FNTB: variants seen among roughly 807,000 people sequenced by gnomAD.
The protein encoded by FNTB is farnesyltransferase, CAAX box, subunit beta, also known as protein farnesyltransferase subunit beta.
A neutral mutation model predicts 59.4 loss-of-function variants in FNTB; 27 were observed. That is an observed-to-expected ratio of 0.45 (90% CI 0.34 to 0.63). The LOEUF (loss-of-function observed/expected upper bound fraction) is 0.63. FNTB is among the 20% of genes least tolerant of loss of function. The probability of loss-of-function intolerance (pLI) is 0.02; values close to 1 mark genes in which losing one functional copy is unlikely to be tolerated. For missense variants in FNTB, 449 were observed against 559.6 expected, an observed-to-expected ratio of 0.80 and a Z score of 1.99; for synonymous variants, 230 against 220.7, an observed-to-expected ratio of 1.04 and a Z score of -0.37.
chr14:65,011,685 G>A lies in FNTB; in HGVS notation c.210-632G>A, dbSNP rs2061685879. 6.6e-6 allele frequency among the ~76,000 whole-genome samples: 1 copy of A among 152,222 alleles called. No homozygotes were observed. Among genetic ancestry groups the A allele is most frequent in the Admixed American group, 6.5e-5 (1 of 15,282 alleles). The stretch of plus-strand genomic sequence containing the variant: ...GTGCTTTGCCCGGCCTGTGCAGGTG[G>A]CCATGGGCGGCACATTCCATCTTAA... On this transcript the variant is annotated intron_variant, in intron 2 of 11. Transcript: ENST00000246166. This position sits in a 1 kb window ranked among gnomAD's most constrained non-coding sequence, Gnocchi z 4.0.
At position 65,012,481 on chromosome 14, in the gene FNTB, C is replaced by G; in HGVS notation, c.282+92C>G. 6.6e-7 allele frequency: 1 copy of G among 1,521,216 alleles called. No homozygotes were observed. The highest frequency in any genetic ancestry group is 2.4e-5 in the East Asian group (1 of 42,244). The allele number at this position is 1,521,216 out of a possible 1,614,324, so 94.2% of individuals were successfully genotyped here. The stretch of plus-strand genomic sequence containing the variant: ...AAACGTAAAAGACTGTTGGGGCTGA[C>G]CTGTTGCAGAGTCACTCTTTGTTCT... On this transcript the variant is annotated intron_variant, in intron 3 of 11. Transcript: ENST00000246166. The surrounding 1 kb of genome is among the most constrained non-coding windows in gnomAD (Gnocchi z 5.0).
At chr14:64,993,906 A>T (rs1488622060) in intron 1 of FNTB, among the ~76,000 whole-genome samples, 4 of 149,330 alleles carry the variant, frequency 2.7e-5, no homozygotes, top group African/African-American at 9.9e-5. Flanking sequence ...CCCAGGCTGG[A>T]GTGCAGTGGT....
intron 7 of FNTB, among the ~76,000 whole-genome samples, chr14:65,035,809 C>T (rs1262035079): frequency 6.6e-6 from 1 of 151,808 alleles, no homozygotes; most frequent in Non-Finnish European, 1.5e-5. Context: ...TCAAGGATTA[C>T]AGGCATGAGC....
rs967872561 is a variant in FNTB, at chr14:65,017,800, C to T, written c.374+2084C>T. Among the ~76,000 whole-genome samples, 9 of 151,734 alleles carry T rather than the reference C, an allele frequency of 5.9e-5. No homozygotes were observed. The South Asian group carries it at 1.2e-3, about 21-fold the overall frequency. On this transcript the variant is annotated intron_variant, in intron 4 of 11. Transcript: ENST00000246166. ...GTGAAACCCCATCTCTACTAAAATA[C>T]AAAAATTAGCTGGGCATGGTGGTGC... is the stretch of plus-strand genomic sequence containing the variant.
At chr14:65,016,140 T>TC (rs1406134167) in intron 4 of FNTB, among the ~76,000 whole-genome samples, 1 of 152,150 alleles carries the variant, frequency 6.6e-6, no homozygotes, top group African/African-American at 2.4e-5. Context: ...ACCTCCCCGC[T>TC]CCCGGTGCTT....
chr14:65,000,808 T>C (rs1594990677), intron 1 of FNTB, among the ~76,000 whole-genome samples: 3 of 64,476 alleles, frequency 4.7e-5, no homozygotes, highest in African/African-American at 1.2e-4. Context: ...AGAGCCAGAC[T>C]CCGTCTCAAA....
At chr14:65,013,996 A>T (rs1426226134) in intron 3 of FNTB, among the ~76,000 whole-genome samples, 1 of 152,240 alleles carries the variant, frequency 6.6e-6, no homozygotes, top group African/African-American at 2.4e-5. Flanking sequence ...CTTAAGCTGC[A>T]TCCCTGGCAG....
chr14:64,999,207 G>T (rs56328485), intron 1 of FNTB, among the ~76,000 whole-genome samples: 19,248 of 152,202 alleles, frequency 0.13, 1,289 homozygotes, highest in Admixed American at 0.17. Context: ...GGAGGCCAAG[G>T]CTTATGGATC....
chr14:65,059,022 CT>C (rs2062803982), intron 11 of FNTB, among the ~76,000 whole-genome samples: 1 of 151,816 alleles, frequency 6.6e-6, no homozygotes, highest in Non-Finnish European at 1.5e-5. Context: ...TACCTTTTTT[CT>C]TTTTCTTTTC....
chr14:64,995,755 A>G (rs1029000300), intron 1 of FNTB, among the ~76,000 whole-genome samples: 2 of 147,330 alleles, frequency 1.4e-5, no homozygotes, highest in African/African-American at 5.2e-5. Context: ...ATATAAGTGT[A>G]TGTATGTATA....
chr14:64,998,914 C>T (rs1045570038), intron 1 of FNTB, among the ~76,000 whole-genome samples: 1 of 151,962 alleles, frequency 6.6e-6, no homozygotes, highest in Non-Finnish European at 1.5e-5. Flanking sequence ...TGGAAACAGC[C>T]AAATTGTCCA....
Position 65,031,552 on chromosome 14 carries a change from G to A in FNTB, c.606-1058G>A, listed in dbSNP as rs572256129. ...AGGTTGGTCTTGAACTCCTGGCCTC[G>A]TGATCCACCTGCCTCAGCCTCCCAA... is the stretch of plus-strand genomic sequence containing the variant. On this transcript the variant is annotated intron_variant, in intron 6 of 11. Coordinates refer to ENST00000246166, the MANE Select transcript of FNTB (RefSeq NM_002028.4). The surrounding 1 kb of genome is among the most constrained non-coding windows in gnomAD (Gnocchi z 4.6). 3.6e-4 allele frequency among the ~76,000 whole-genome samples: 55 copies of A among 150,988 alleles called. No homozygotes were observed. Among genetic ancestry groups the A allele is most frequent in the African/African-American group, 1.2e-3 (51 of 41,232 alleles).
intron 11 of FNTB, among the ~76,000 whole-genome samples, chr14:65,060,919 A>G (rs2062852571): frequency 6.7e-6 from 1 of 149,632 alleles, no homozygotes; most frequent in Non-Finnish European, 1.5e-5. Context: ...TATTGTACAT[A>G]CTGTTTTCTC....
In FNTB at chr14:65,030,207, G is replaced by A. The variant is rs573870154; in HGVS notation, c.606-2403G>A. ...AAATGCATCTGAGCCTCTTTAAGAGGCCTACAATTGCAAGGAAATTAGACA... is the reference window on the plus strand; with the variant it reads ...AAATGCATCTGAGCCTCTTTAAGAGACCTACAATTGCAAGGAAATTAGACA... On this transcript the variant is annotated intron_variant, in intron 6 of 11. Coordinates refer to ENST00000246166, the MANE Select transcript of FNTB (RefSeq NM_002028.4). The surrounding 1 kb of genome is among the most constrained non-coding windows in gnomAD (Gnocchi z 4.5). 7.9e-5 allele frequency among the ~76,000 whole-genome samples: 12 copies of A among 152,294 alleles called. No homozygotes were observed. The East Asian group carries it at 2.3e-3, about 29-fold the overall frequency.
At chr14:64,993,539 T>C (rs1232398693) in intron 1 of FNTB, among the ~76,000 whole-genome samples, 1 of 152,234 alleles carries the variant, frequency 6.6e-6, no homozygotes, top group Admixed American at 6.5e-5. Context: ...GTGACTTGTA[T>C]TTTCTGAGAG....
chr14:65,015,521 C>T (rs2061756992), intron 3 of FNTB, 104 bp from the exon 4 acceptor site: 8 of 1,138,848 alleles, frequency 7.0e-6, no homozygotes, highest in Non-Finnish European at 1.0e-5. Context: ...GGGTGCCCTC[C>T]TCCCCCTTGC....
At chr14:65,006,391 AT>A in intron 2 of FNTB, 1 of 1,505,856 alleles carries the variant, frequency 6.6e-7, no homozygotes, top group South Asian at 1.2e-5. Context: ...AATAAAATGA[AT>A]TATTCCTCTT....
chr14:65,061,391 TTC>T lies in FNTB; in HGVS notation c.*81_*82del. The T allele has an allele frequency of 6.3e-7, 1 of 1,587,784 alleles. No homozygotes were observed. Among genetic ancestry groups the T allele is most frequent in the Admixed American group, 1.7e-5 (1 of 58,210 alleles). Reference sequence around the variant, plus strand: ...TTTATACGTTTCAATACATACTGCATTCTGTGCTACACAAGCCTTAGCCTCAG... The same window carrying T: ...TTTATACGTTTCAATACATACTGCATTGTGCTACACAAGCCTTAGCCTCAG... On this transcript the variant is annotated 3_prime_UTR_variant, in exon 12 of 12. Transcript: ENST00000246166.
chr14:65,037,402 CCTTTTTTTTT>C lies in FNTB; in HGVS notation c.693-3387_693-3378del, dbSNP rs2062220511. 1.2e-3 allele frequency among the ~76,000 whole-genome samples: 17 copies of C among 14,536 alleles called. 6 individuals are homozygous for C. The highest frequency in any genetic ancestry group is 3.2e-3 in the African/African-American group (11 of 3,446). 9.5% of individuals were successfully genotyped at this position (14,536 alleles called of 152,430 possible). A position where few individuals can be genotyped will look rare whatever the true frequency, so the allele number is the denominator to read the frequency against. On this transcript the variant is annotated intron_variant, in intron 7 of 11. Coordinates refer to ENST00000246166, the MANE Select transcript of FNTB (RefSeq NM_002028.4). ...ATAGGCGTGAGCCACCACGCCGGGC[CCTTTTTTTTT>C]TTTTTTTTTTTTTTTTTTTTTTTTT...
Sources: allele counts gnomAD v4.1 joint callset (sites outside exome capture counted in the v4.1 genomes callset), GRCh38; gene constraint gnomAD v4.1.1; non-coding constraint Gnocchi (gnomAD v3.1); transcripts MANE v1.5; gene names NCBI Gene and HGNC (gene_info 2026-07-23, HGNC 2026-07-21).